Variants in FBN1 observed in about 807,000 individuals in gnomAD.
FBN1 encodes the protein fibrillin 1.
In FBN1, 29 loss-of-function variants were observed where a neutral mutation model predicts 365.1. That is an observed-to-expected ratio of 0.08 (90% CI 0.06 to 0.11). The LOEUF is 0.11. Among genes scored for constraint, FBN1 ranks in the 10% least tolerant of loss-of-function variants. The pLI is 1.00. For synonymous variants in FBN1, 1,210 were observed against 1,270.5 expected, an observed-to-expected ratio of 0.95 and a Z score of 1.01; for missense variants, 2,476 against 3,703.2, an observed-to-expected ratio of 0.67 and a Z score of 8.60.
intron 2 of FBN1, among the ~76,000 whole-genome samples, chr15:48,632,560 A>C (rs1017084665): frequency 3.3e-5 from 5 of 152,334 alleles, no homozygotes; most frequent in African/African-American, 1.2e-4. Flanking sequence ...TGGTGGAGCC[A>C]GGGTTTGACC....
At chr15:48,592,970 T>C (rs992722191) in intron 6 of FBN1, among the ~76,000 whole-genome samples, 2 of 152,218 alleles carry the variant, frequency 1.3e-5, no homozygotes, top group Non-Finnish European at 2.9e-5. Flanking sequence ...AAATATATCA[T>C]TGCTACCTGC....
intron 18 of FBN1, 67 bp downstream of exon 18, chr15:48,498,918 C>G: frequency 6.8e-7 from 1 of 1,469,278 alleles, no homozygotes; most frequent in Non-Finnish European, 9.5e-7. Flanking sequence ...CAACTGGAAA[C>G]CCACAAGAAA....
chr15:48,527,982 C>T (rs878896329), intron 8 of FBN1, among the ~76,000 whole-genome samples: 1 of 152,182 alleles, frequency 6.6e-6, no homozygotes, highest in Non-Finnish European at 1.5e-5. Flanking sequence ...AAACAAAAAG[C>T]AAGTATGTCA....
Position 48,520,693 on chromosome 15 carries a change from A to G in FBN1, c.1113T>C (p.Thr371=). Residue 371 remains threonine (T), a synonymous_variant, in exon 10 of 66, where the codon ACT becomes ACC. Transcript: ENST00000316623. ...DAGRCWSPGV[T]VAPEMCPIRA... ...TGATGGGACACATCTCAGGGGCGAC[A>G]GTGACCCCTGGAGACCAGCATCGGC... The G allele has an allele frequency of 1.2e-6, 2 of 1,614,146 alleles. No homozygotes were observed. The highest frequency in any genetic ancestry group is 1.1e-5 in the South Asian group (1 of 91,076).
rs2042856175 is a variant in FBN1, at chr15:48,410,998, G to A, written c.8608C>T (p.Leu2870Phe). 6.2e-7 allele frequency: 1 copy of A among 1,613,258 alleles called. No homozygotes were observed. The highest frequency in any genetic ancestry group is 8.5e-7 in the Non-Finnish European group (1 of 1,179,950). The change falls in exon 66 of 66, where the codon CTT becomes TTT. Residue 2870 changes from leucine to phenylalanine, a missense_variant. Leu to Phe is a conservative substitution (Grantham distance 22). This residue lies in a region of FBN1 where 177 missense variants were observed against 192.7 expected (regional missense o/e 0.92). Coordinates refer to ENST00000316623, the MANE Select transcript of FBN1 (RefSeq NM_000138.5). ...GGTCTCTGGATGGTGAATTAATGAA[G>A]CAAAACCTGGATTTTCATCTTCAGA... ...DNLKMKIQVLLH is the reference protein window; with the variant it reads ...DNLKMKIQVLFH
At chr15:48,458,781 C>T (rs1043794329) in intron 43 of FBN1, among the ~76,000 whole-genome samples, 4 of 152,128 alleles carry the variant, frequency 2.6e-5, no homozygotes, top group African/African-American at 9.7e-5. Flanking sequence ...ATAGTTTTAA[C>T]CCTATATGAA....
intron 53 of FBN1, among the ~76,000 whole-genome samples, 197 bp from the exon 54 acceptor site, chr15:48,434,910 C>G (rs2043054048): frequency 6.6e-6 from 1 of 152,154 alleles, no homozygotes; most frequent in Non-Finnish European, 1.5e-5. Flanking sequence ...GAATCTCATG[C>G]CTCAGCCTCC....
chr15:48,459,195 G>A (rs551668935), intron 43 of FBN1, among the ~76,000 whole-genome samples: 3 of 152,338 alleles, frequency 2.0e-5, no homozygotes, highest in Admixed American at 1.3e-4. Context: ...TGCCTGGTTG[G>A]TCCGTGGAGA....
chr15:48,636,227 A>G (rs781176988), intron 2 of FBN1, among the ~76,000 whole-genome samples: 14 of 152,150 alleles, frequency 9.2e-5, no homozygotes, highest in Non-Finnish European at 1.8e-4. Context: ...CTCTTGAGAG[A>G]TCCTGAACTG....
intron 2 of FBN1, among the ~76,000 whole-genome samples, chr15:48,615,552 C>T (rs1889635697): frequency 6.6e-6 from 1 of 151,588 alleles, no homozygotes; most frequent in Admixed American, 6.6e-5. Flanking sequence ...ACTATAGTTA[C>T]AAAAGAAAAT....
At chr15:48,423,168 T>C (rs2141223756) in intron 60 of FBN1, among the ~76,000 whole-genome samples, 1 of 152,362 alleles carries the variant, frequency 6.6e-6, no homozygotes, top group South Asian at 2.1e-4. Flanking sequence ...TTAATGATAA[T>C]TTTAAAATTG....
chr15:48,435,730 A>ATATATATGTGTG (rs1237441042), intron 53 of FBN1, among the ~76,000 whole-genome samples: 7 of 78,406 alleles, frequency 8.9e-5, no homozygotes, highest in Non-Finnish European at 1.1e-4. Context: ...ATATATGTGT[A>ATATATATGTGTG]TATATATGTG....
At chr15:48,565,175 C>T (rs1348099438) in intron 6 of FBN1, among the ~76,000 whole-genome samples, 1 of 152,180 alleles carries the variant, frequency 6.6e-6, no homozygotes, top group Non-Finnish European at 1.5e-5. Flanking sequence ...TATTCCTCCC[C>T]AGACCCAGCA....
intron 2 of FBN1, among the ~76,000 whole-genome samples, chr15:48,621,017 C>T (rs1043670321): frequency 6.6e-6 from 1 of 152,168 alleles, no homozygotes; most frequent in Non-Finnish European, 1.5e-5. Context: ...ATGGCCAAAG[C>T]TAGAACCCTT....
intron 6 of FBN1, among the ~76,000 whole-genome samples, chr15:48,570,689 TTG>T (rs2140671230): frequency 6.6e-6 from 1 of 152,340 alleles, no homozygotes; most frequent in Non-Finnish European, 1.5e-5. Flanking sequence ...ATTGAATCAC[TTG>T]CCCCATACTC....
intron 37 of FBN1, 38 bp downstream of exon 37, chr15:48,468,374 A>T (rs763612776): frequency 6.2e-7 from 1 of 1,613,142 alleles, no homozygotes; most frequent in Non-Finnish European, 8.5e-7. Flanking sequence ...AATAATACAC[A>T]GTATGCTTGC....
At chr15:48,500,216 G>C (rs1462312927) in intron 17 of FBN1, among the ~76,000 whole-genome samples, 2 of 152,180 alleles carry the variant, frequency 1.3e-5, no homozygotes, top group Non-Finnish European at 2.9e-5. Context: ...ATGAAATACT[G>C]TAAGTAATAA....
chr15:48,502,086 T>C (rs2043664670), intron 17 of FBN1, among the ~76,000 whole-genome samples: 1 of 152,190 alleles, frequency 6.6e-6, no homozygotes, highest in Non-Finnish European at 1.5e-5. Flanking sequence ...TGGAGAACAG[T>C]GGTGCTATCT....
Position 48,516,295 on chromosome 15 carries a change from G to A in FBN1, c.1215C>T (p.Pro405=), listed in dbSNP as rs1213208601. The part of the protein sequence containing the change: ...IPGRPEYPPP[P]LGPIPPVLPV... The stretch of plus-strand genomic sequence containing the variant: ...GGAGAACTGGAGGAATGGGGCCAAG[G>A]GGTGGGGGAGGATATTCTGGTCTCC... The change falls in exon 11 of 66, where the codon CCC becomes CCT. Residue 405 remains proline (P), a synonymous_variant. Transcript: ENST00000316623. 1.9e-6 allele frequency: 3 copies of A among 1,613,818 alleles called. No homozygotes were observed. Among genetic ancestry groups the A allele is most frequent in the African/African-American group, 2.7e-5 (2 of 74,886 alleles).
Sources: gnomAD v4.1 joint callset for allele counts (sites outside exome capture counted in the v4.1 genomes callset) on GRCh38, gnomAD v4.1.1 for gene constraint, gnomAD v4.1.1 regional missense constraint, MANE v1.5 for transcripts, NCBI Gene and HGNC (gene_info 2026-07-23, HGNC 2026-07-21) for gene names.